Variants in AFF3 observed in about 807,000 individuals in gnomAD.
The protein encoded by AFF3 is AF4/FMR2 family member 3.
AFF3 carries 32 observed loss-of-function variants against 129.7 expected under a neutral mutation model. The observed-to-expected ratio is 0.25, with a 90% CI of 0.19 to 0.33. The LOEUF (loss-of-function observed/expected upper bound fraction) is 0.33, where lower values mean the gene tolerates loss of function less well. Among genes scored for constraint, AFF3 ranks in the 10% least tolerant of loss-of-function variants. The pLI is 1.00. For synonymous variants in AFF3, 644 were observed against 635.4 expected, an observed-to-expected ratio of 1.01 and a Z score of -0.20; for missense variants, 1,373 against 1,592.0, an observed-to-expected ratio of 0.86 and a Z score of 2.34.
At chr2:100,106,078 G>T (rs1691275479) in intron 2 of AFF3, 1 of 1,300,730 alleles carries the variant, frequency 7.7e-7, no homozygotes, top group African/African-American at 1.5e-5. Flanking sequence ...CAGGACACAG[G>T]TAGAAGACCA....
intron 5 of AFF3, 98 bp downstream of exon 5, chr2:100,008,714 G>C: frequency 1.4e-6 from 2 of 1,419,612 alleles, no homozygotes. Flanking sequence ...AGAAGATGCA[G>C]TCAAGTTTGG....
chr2:100,023,856 C>T (rs1332878936), intron 4 of AFF3, among the ~76,000 whole-genome samples: 2 of 152,220 alleles, frequency 1.3e-5, no homozygotes, highest in Non-Finnish European at 2.9e-5. Context: ...CCATCTCAGA[C>T]AGGTGGCCTG....
At chr2:99,754,799 T>C (rs1681953887) in intron 8 of AFF3, among the ~76,000 whole-genome samples, 1 of 152,140 alleles carries the variant, frequency 6.6e-6, no homozygotes, top group Non-Finnish European at 1.5e-5. Context: ...TTAATCAGGG[T>C]CCATCCCTGA....
intron 7 of AFF3, among the ~76,000 whole-genome samples, chr2:99,973,463 T>A (rs923406150): frequency 6.6e-6 from 1 of 152,182 alleles, no homozygotes; most frequent in Non-Finnish European, 1.5e-5. Flanking sequence ...TTCCCGAACA[T>A]TTTTTACCCA....
intron 2 of AFF3, chr2:100,105,980 G>A: frequency 7.5e-7 from 1 of 1,326,196 alleles, no homozygotes; most frequent in Non-Finnish European, 1.0e-6. Flanking sequence ...TAAACCCTGG[G>A]TGCAAGTGAC....
At chr2:100,046,156 C>T (rs9308833) in intron 4 of AFF3, among the ~76,000 whole-genome samples, 53,529 of 151,978 alleles carry the variant, frequency 0.35, 9,582 homozygotes, top group Middle Eastern at 0.46. Flanking sequence ...ACAGAATTAA[C>T]AATGCATGTA....
chr2:99,960,679 T>C (rs1383220178), intron 7 of AFF3, among the ~76,000 whole-genome samples: 2 of 152,210 alleles, frequency 1.3e-5, no homozygotes, highest in Non-Finnish European at 2.9e-5. Flanking sequence ...TCTCCTGTCC[T>C]ATCCTTTGTG....
chr2:99,842,105 T>C (rs1689358075), intron 7 of AFF3, among the ~76,000 whole-genome samples: 1 of 152,036 alleles, frequency 6.6e-6, no homozygotes, highest in South Asian at 2.1e-4. Flanking sequence ...AAATAAGGGG[T>C]AAGGGTTTGT....
chr2:100,091,166 G>T (rs1409142995), intron 4 of AFF3, among the ~76,000 whole-genome samples: 12 of 151,660 alleles, frequency 7.9e-5, no homozygotes, highest in Non-Finnish European at 1.5e-4. Flanking sequence ...AAGTTACCTT[G>T]TGCCTTTGTT....
At chr2:99,612,820 C>T (rs557790620) in intron 13 of AFF3, among the ~76,000 whole-genome samples, 3 of 152,224 alleles carry the variant, frequency 2.0e-5, no homozygotes, top group Admixed American at 6.5e-5. Flanking sequence ...CTAAATAAGC[C>T]GAGGACCTCA....
chr2:99,959,339 C>CAA (rs34083581), intron 7 of AFF3, among the ~76,000 whole-genome samples: 125 of 66,678 alleles, frequency 1.9e-3, no homozygotes, highest in African/African-American at 3.4e-3. Context: ...AAGAGTCTGC[C>CAA]AAAAAAAAAA....
At chr2:100,092,959 C>A (rs1236379689) in intron 4 of AFF3, among the ~76,000 whole-genome samples, 1 of 151,796 alleles carries the variant, frequency 6.6e-6, no homozygotes, top group African/African-American at 2.4e-5. Context: ...GGTCTCTTCA[C>A]TTCTGTGTCT....
chr2:99,805,509 C>T (rs1686267145), intron 8 of AFF3, among the ~76,000 whole-genome samples: 2 of 151,972 alleles, frequency 1.3e-5, no homozygotes, highest in Admixed American at 1.3e-4. Context: ...GCTTTCAAAA[C>T]TTAAAAAAAT....
At chr2:99,664,580 T>C (rs1686517036) in intron 12 of AFF3, among the ~76,000 whole-genome samples, 2 of 152,246 alleles carry the variant, frequency 1.3e-5, no homozygotes, top group Non-Finnish European at 1.5e-5. Flanking sequence ...TTTAAGATAT[T>C]GGGCCTTATA....
At chr2:100,073,432 G>C (rs1022655382) in intron 4 of AFF3, among the ~76,000 whole-genome samples, 3 of 152,274 alleles carry the variant, frequency 2.0e-5, no homozygotes, top group Middle Eastern at 3.4e-3. Flanking sequence ...CACCCTCAGA[G>C]GGAACCAGCC....
chr2:100,104,877 G>A, intron 3 of AFF3: 3 of 350,148 alleles, frequency 8.6e-6, no homozygotes, highest in African/African-American at 2.3e-5. Flanking sequence ...GCGCGTGTGC[G>A]CGGGCGAGGC....
chr2:99,650,235 T>C (rs778127994), intron 12 of AFF3, among the ~76,000 whole-genome samples: 14 of 152,174 alleles, frequency 9.2e-5, no homozygotes, highest in Non-Finnish European at 1.3e-4. Flanking sequence ...ATGGATACAA[T>C]TATCTGCTGT....
chr2:100,019,135 T>G (rs1392300488), intron 4 of AFF3, among the ~76,000 whole-genome samples: 3 of 152,098 alleles, frequency 2.0e-5, no homozygotes, highest in African/African-American at 7.2e-5. Context: ...CCAATCCCCA[T>G]ACTTCAGGTT....
At chr2:99,663,686 G>A (rs1311613461) in intron 12 of AFF3, among the ~76,000 whole-genome samples, 1 of 152,184 alleles carries the variant, frequency 6.6e-6, no homozygotes, top group African/African-American at 2.4e-5. Context: ...TTCATTTAAA[G>A]AGAAAAATGT....
Sources: gnomAD v4.1 joint callset for allele counts (sites outside exome capture counted in the v4.1 genomes callset) on GRCh38, gnomAD v4.1.1 for gene constraint, MANE v1.5 for transcripts, NCBI Gene and HGNC (gene_info 2026-07-23, HGNC 2026-07-21) for gene names.